Variants in FSTL4 observed in about 807,000 individuals in gnomAD.
FSTL4 encodes follistatin like 4.
In FSTL4, 28 loss-of-function variants were observed where a neutral mutation model predicts 78.2. That is an observed-to-expected ratio of 0.36 (90% CI 0.27 to 0.49). The LOEUF (loss-of-function observed/expected upper bound fraction) is 0.49. FSTL4 is among the 20% of genes least tolerant of loss of function. FSTL4 has a pLI of 0.98. For synonymous variants in FSTL4, 422 were observed against 440.5 expected, an observed-to-expected ratio of 0.96 and a Z score of 0.53; for missense variants, 922 against 1,084.9, an observed-to-expected ratio of 0.85 and a Z score of 2.11.
rs996470244 is a variant in FSTL4 at position 133,199,880 on chromosome 5, C to T, written c.1827-83G>A. ...TGTCTTAAACAATTACATCCTCTGC[C>T]TTTTCCCTTTATTATAATCCTTCAG... On this transcript the variant is annotated intron_variant, in intron 15 of 15. Coordinates refer to ENST00000265342, the MANE Select transcript of FSTL4 (RefSeq NM_015082.2). This position sits in a 1 kb window ranked among gnomAD's most constrained non-coding sequence, Gnocchi z 4.4. The T allele has an allele frequency of 1.5e-6, 1 of 675,892 alleles. No homozygotes were observed. 41.9% of individuals were successfully genotyped at this position (675,892 alleles called of 1,614,324 possible). A position where few individuals can be genotyped will look rare whatever the true frequency, so the allele number is the denominator to read the frequency against.
chr5:133,639,140 C>T, the FSTL4 span, among the ~76,000 whole-genome samples: 10 of 152,010 alleles, frequency 6.6e-5, no homozygotes, highest in Non-Finnish European at 1.0e-4. Flanking sequence ...CCCCACTCCC[C>T]GACAGGCCCC....
chr5:133,448,349 C>T (rs1757308547), intron 3 of FSTL4, among the ~76,000 whole-genome samples: 1 of 152,216 alleles, frequency 6.6e-6, no homozygotes, highest in Admixed American at 6.5e-5. Flanking sequence ...CCCACACCGT[C>T]TGAAGGAGAG....
chr5:133,610,307 G>C (rs1276135510), intron 1 of FSTL4, among the ~76,000 whole-genome samples: 1 of 152,190 alleles, frequency 6.6e-6, no homozygotes, highest in African/African-American at 2.4e-5. Flanking sequence ...AACAAAAATT[G>C]AGGATGATCA....
At chr5:133,645,479 A>G in the FSTL4 span, among the ~76,000 whole-genome samples, 1 of 152,040 alleles carries the variant, frequency 6.6e-6, no homozygotes, top group East Asian at 1.9e-4. Context: ...CTCTGGTACT[A>G]CCTTTTTTCA....
chr5:133,470,771 TAAAATAAAATAAAATAAAATA>T (rs1757807356), intron 3 of FSTL4, among the ~76,000 whole-genome samples: 1 of 143,706 alleles, frequency 7.0e-6, no homozygotes, highest in Admixed American at 6.9e-5. Context: ...TAAAATAAAA[TAAAATAAAATAAAATAAAATA>T]AAATAAAATA....
chr5:133,799,532 C>T, the FSTL4 span, among the ~76,000 whole-genome samples: 2 of 138,744 alleles, frequency 1.4e-5, 1 homozygote, highest in African/African-American at 5.3e-5. Flanking sequence ...TGCAACCCCA[C>T]GCTAGGTACA....
intron 2 of FSTL4, among the ~76,000 whole-genome samples, chr5:133,597,614 G>T (rs1760764291): frequency 6.6e-6 from 1 of 152,192 alleles, no homozygotes; most frequent in Non-Finnish European, 1.5e-5. Context: ...AATTAAAATT[G>T]TCAACTATGA....
intron 3 of FSTL4, among the ~76,000 whole-genome samples, chr5:133,424,621 TC>T (rs1756767343): frequency 6.6e-6 from 1 of 152,142 alleles, no homozygotes; most frequent in Non-Finnish European, 1.5e-5. Flanking sequence ...CGTGATGGTG[TC>T]CTCTGAGAGG....
chr5:133,708,727 T>C, the FSTL4 span, among the ~76,000 whole-genome samples: 2 of 152,204 alleles, frequency 1.3e-5, no homozygotes, highest in South Asian at 2.1e-4. Flanking sequence ...TTTTAAAAAT[T>C]TGAGAACCAA....
chr5:133,829,007 C>T, the FSTL4 span, among the ~76,000 whole-genome samples: 1 of 152,128 alleles, frequency 6.6e-6, no homozygotes, highest in Non-Finnish European at 1.5e-5. Flanking sequence ...GGCAGAGCCT[C>T]CCGGGGCCAC....
At chr5:133,210,168 C>T (rs768034996) in intron 14 of FSTL4, 23 bp downstream of exon 14, 1 of 1,231,798 alleles carries the variant, frequency 8.1e-7, no homozygotes, top group Admixed American at 1.7e-5. Flanking sequence ...GTGTGGGTAT[C>T]AGCCTCCATG....
chr5:133,306,908 ATCT>A (rs1753670316), intron 6 of FSTL4, among the ~76,000 whole-genome samples: 2 of 152,142 alleles, frequency 1.3e-5, no homozygotes, highest in African/African-American at 4.8e-5. Context: ...ACACACAGAA[ATCT>A]TCATCATTAC....
chr5:133,263,399 C>T (rs60211024), intron 6 of FSTL4, among the ~76,000 whole-genome samples: 22,276 of 151,844 alleles, frequency 0.15, 4,095 homozygotes, highest in African/African-American at 0.44. Flanking sequence ...AGTTCTGGGA[C>T]CCCCAATGTT....
At chr5:133,711,420 C>G in the FSTL4 span, among the ~76,000 whole-genome samples, 1 of 152,218 alleles carries the variant, frequency 6.6e-6, no homozygotes, top group African/African-American at 2.4e-5. Context: ...GAGCCAGGAG[C>G]TCTTACCCAG....
the FSTL4 span, among the ~76,000 whole-genome samples, chr5:133,632,990 C>G: frequency 6.6e-6 from 1 of 152,170 alleles, no homozygotes; most frequent in African/African-American, 2.4e-5. Flanking sequence ...GCCTGCCCAG[C>G]CTCCACAGTT....
chr5:133,335,867 A>G (rs1036484807), intron 4 of FSTL4, among the ~76,000 whole-genome samples: 7 of 152,022 alleles, frequency 4.6e-5, no homozygotes, highest in African/African-American at 1.7e-4. Flanking sequence ...CACCACACCC[A>G]TGAGGGGTGC....
the FSTL4 span, among the ~76,000 whole-genome samples, chr5:133,689,814 C>A: frequency 6.6e-6 from 1 of 152,176 alleles, no homozygotes; most frequent in Admixed American, 6.5e-5. Context: ...GTAATCCCAG[C>A]ACTTTGGAAG....
At chr5:133,727,820 A>G in the FSTL4 span, among the ~76,000 whole-genome samples, 2 of 152,198 alleles carry the variant, frequency 1.3e-5, no homozygotes, top group Non-Finnish European at 2.9e-5. Flanking sequence ...GAGCCTGGGA[A>G]CAGGAAAGGA....
chr5:133,618,486 T>C, the FSTL4 span, among the ~76,000 whole-genome samples: 4 of 151,978 alleles, frequency 2.6e-5, no homozygotes, highest in Admixed American at 2.0e-4. Context: ...GATGCAAGAG[T>C]GAAAGCAGGA....
Sources: gnomAD v4.1 joint callset for allele counts (sites outside exome capture counted in the v4.1 genomes callset) on GRCh38, gnomAD v4.1.1 for gene constraint, Gnocchi (gnomAD v3.1) non-coding constraint, MANE v1.5 for transcripts, NCBI Gene and HGNC (gene_info 2026-07-23, HGNC 2026-07-21) for gene names.